ROBO2: variants seen among roughly 807,000 people sequenced by gnomAD.
ROBO2 encodes roundabout guidance receptor 2.
A neutral mutation model predicts 160.8 loss-of-function variants in ROBO2; 53 were observed. The ratio of observed to expected loss-of-function variants is 0.33; its 90% CI spans 0.26 to 0.41. The LOEUF (loss-of-function observed/expected upper bound fraction) is 0.41. Among genes scored for constraint, ROBO2 ranks in the 10% least tolerant of loss-of-function variants. The probability of loss-of-function intolerance (pLI) is 1.00; values close to 1 mark genes in which losing one functional copy is unlikely to be tolerated. For missense variants in ROBO2, 1,577 were observed against 1,722.4 expected (o/e 0.92, Z 1.49); for synonymous variants, 664 against 611.7 (o/e 1.09, Z -1.26).
chr3:76,772,917 C>G (rs1366340528), intron 2 of ROBO2, among the ~76,000 whole-genome samples: 3 of 151,118 alleles, frequency 2.0e-5, no homozygotes, highest in Non-Finnish European at 4.4e-5. Context: ...TGTGCACTTT[C>G]TGTTTCATCA....
intron 2 of ROBO2, among the ~76,000 whole-genome samples, chr3:76,753,536 C>G (rs1202007106): frequency 2.0e-5 from 3 of 151,718 alleles, no homozygotes; most frequent in Non-Finnish European, 4.4e-5. Flanking sequence ...TTGGCAAGCT[C>G]TCTGTCAAGT....
chr3:77,058,804 C>T (rs1245425720), intron 1 of ROBO2, among the ~76,000 whole-genome samples: 1 of 152,120 alleles, frequency 6.6e-6, no homozygotes, highest in Non-Finnish European at 1.5e-5. Flanking sequence ...TCCCAAAGTA[C>T]TGGGATTACA....
intron 16 of ROBO2, among the ~76,000 whole-genome samples, chr3:77,584,067 GCACA>G (rs2093982551): frequency 6.6e-6 from 1 of 152,120 alleles, no homozygotes; most frequent in Admixed American, 6.6e-5. Context: ...CTCTTTGCAT[GCACA>G]GTTCAGGGTT....
Position 76,252,557 on chromosome 3 carries a change from CAT to C in ROBO2, c.109+314958_109+314959del, listed in dbSNP as rs1559686037. 2.5e-3 allele frequency among the ~76,000 whole-genome samples: 385 copies of C among 151,790 alleles called. 3 individuals carry two copies. Among genetic ancestry groups the C allele is most frequent in the African/African-American group, 8.9e-3 (369 of 41,390 alleles). ...AATATGGTATGTGTGTGCATATTTA[CAT>C]ATGCACACACACATATATATGGCTG... On this transcript the variant is annotated intron_variant, in intron 2 of 26. Coordinates refer to the ROBO2 transcript ENST00000487694.
intron 2 of ROBO2, among the ~76,000 whole-genome samples, chr3:77,465,154 G>T (rs529817036): frequency 5.3e-5 from 8 of 152,042 alleles, no homozygotes; most frequent in Non-Finnish European, 1.0e-4. Flanking sequence ...GAGGGAGTAA[G>T]GTTAATATGG....
chr3:76,243,535 C>T (rs919773377), intron 2 of ROBO2, among the ~76,000 whole-genome samples: 1 of 152,208 alleles, frequency 6.6e-6, no homozygotes, highest in African/African-American at 2.4e-5. Flanking sequence ...AGCCGGGAGT[C>T]TCTGGGAGAG....
At chr3:76,200,535 T>C (rs1177285718) in intron 2 of ROBO2, among the ~76,000 whole-genome samples, 2 of 152,044 alleles carry the variant, frequency 1.3e-5, no homozygotes, top group Non-Finnish European at 2.9e-5. Flanking sequence ...TGCACCAAAT[T>C]TGTCAGAAAA....
intron 2 of ROBO2, among the ~76,000 whole-genome samples, chr3:76,156,166 G>A (rs2072398855): frequency 6.6e-6 from 1 of 151,912 alleles, no homozygotes; most frequent in African/African-American, 2.4e-5. Flanking sequence ...AACATCGTAA[G>A]TGCTGTATTA....
intron 2 of ROBO2, among the ~76,000 whole-genome samples, chr3:76,346,589 TA>T (rs945265583): frequency 5.9e-5 from 9 of 152,290 alleles, no homozygotes; most frequent in African/African-American, 1.9e-4. Context: ...CAATGTCTAT[TA>T]AAAATACATA....
At chr3:76,188,795 G>A (rs1471927868) in intron 2 of ROBO2, among the ~76,000 whole-genome samples, 1 of 152,012 alleles carries the variant, frequency 6.6e-6, no homozygotes, top group Non-Finnish European at 1.5e-5. Context: ...AGCTTTCCAT[G>A]TTCACACTCA....
chr3:75,976,620 T>C (rs1201805967), intron 2 of ROBO2, among the ~76,000 whole-genome samples: 6 of 151,714 alleles, frequency 4.0e-5, no homozygotes, highest in African/African-American at 1.4e-4. Flanking sequence ...TATTACATGT[T>C]AATAAAAATT....
chr3:77,635,904 G>C (rs2095255448), intron 24 of ROBO2, among the ~76,000 whole-genome samples: 1 of 152,230 alleles, frequency 6.6e-6, no homozygotes, highest in East Asian at 1.9e-4. Flanking sequence ...CCACAAATCT[G>C]GACTCTGCAA....
intron 2 of ROBO2, among the ~76,000 whole-genome samples, chr3:76,369,865 T>C (rs907082126): frequency 4.6e-5 from 7 of 152,018 alleles, no homozygotes; most frequent in Non-Finnish European, 1.0e-4. Context: ...TGCCTCTTAC[T>C]TGTTTCTCTA....
At chr3:77,328,709 A>G (rs1279832628) in intron 2 of ROBO2, among the ~76,000 whole-genome samples, 1 of 152,148 alleles carries the variant, frequency 6.6e-6, no homozygotes, top group Non-Finnish European at 1.5e-5. Context: ...TTAATGTTTC[A>G]CAACACTTTA....
chr3:76,294,000 A>G (rs1033020569), intron 2 of ROBO2, among the ~76,000 whole-genome samples: 1 of 151,998 alleles, frequency 6.6e-6, no homozygotes, highest in Non-Finnish European at 1.5e-5. Context: ...CCTGTCTCCG[A>G]TGTTCATCGG....
chr3:76,304,743 TTTCCTTC>T (rs2071242310), intron 2 of ROBO2, among the ~76,000 whole-genome samples: 1 of 117,702 alleles, frequency 8.5e-6, no homozygotes, highest in East Asian at 2.7e-4. Flanking sequence ...TTTTCTTTTC[TTTCCTTC>T]TTTCTTTCTT....
intron 2 of ROBO2, among the ~76,000 whole-genome samples, chr3:76,642,254 C>T (rs1020717751): frequency 1.3e-5 from 2 of 151,182 alleles, no homozygotes; most frequent in African/African-American, 2.4e-5. Flanking sequence ...ATTCCAGAGC[C>T]GACAGTCTGG....
chr3:77,230,021 T>G (rs1292471934), intron 2 of ROBO2, among the ~76,000 whole-genome samples: 1 of 152,208 alleles, frequency 6.6e-6, no homozygotes, highest in Non-Finnish European at 1.5e-5. Context: ...TGAGCTTTAT[T>G]AAGTGATTTT....
chr3:76,425,194 C>CA (rs1373754660), intron 2 of ROBO2, among the ~76,000 whole-genome samples: 3 of 148,654 alleles, frequency 2.0e-5, no homozygotes, highest in Non-Finnish European at 3.0e-5. Context: ...AGGATTCTGC[C>CA]TTTTTTTTTT....
Sources: allele counts gnomAD v4.1 joint callset (sites outside exome capture counted in the v4.1 genomes callset), GRCh38; gene constraint gnomAD v4.1.1; transcripts MANE v1.5; gene names NCBI Gene and HGNC (gene_info 2026-07-23, HGNC 2026-07-21).